The following SEMA6D variants were observed in gnomAD, a reference collection of about 807,000 sequenced individuals.
The protein encoded by SEMA6D is semaphorin-6D.
In SEMA6D, 35 loss-of-function variants were observed where a neutral mutation model predicts 106.6. That is an observed-to-expected ratio of 0.33 (90% CI 0.25 to 0.44). The LOEUF is 0.44. Among genes scored for constraint, SEMA6D ranks in the 20% least tolerant of loss-of-function variants. The pLI, the probability that SEMA6D is intolerant of heterozygous loss-of-function variation, is 1.00. For synonymous variants in SEMA6D, 499 were observed against 487.7 expected (o/e 1.02, Z -0.31); for missense variants, 1,185 against 1,345.9 (o/e 0.88, Z 1.87).
At chr15:47,729,796 G>C (rs1413693339) in intron 1 of SEMA6D, among the ~76,000 whole-genome samples, 2 of 152,232 alleles carry the variant, frequency 1.3e-5, no homozygotes, top group African/African-American at 4.8e-5. Context: ...CTGGTTTAAT[G>C]TAACTTTAAA....
chr15:47,665,788 C>A (rs545309775), intron 4 of SEMA6D, among the ~76,000 whole-genome samples: 1 of 152,126 alleles, frequency 6.6e-6, no homozygotes, highest in Admixed American at 6.5e-5. Flanking sequence ...CCAGCCTGGG[C>A]GACAGAGCAA....
chr15:47,319,716 T>C (rs150892400), intron 1 of SEMA6D, among the ~76,000 whole-genome samples: 5 of 152,206 alleles, frequency 3.3e-5, no homozygotes, highest in Middle Eastern at 3.4e-3. Context: ...AGTGCTCTGG[T>C]GTATTTCAAA....
intron 4 of SEMA6D, among the ~76,000 whole-genome samples, chr15:47,699,900 C>A (rs2078775101): frequency 6.6e-6 from 1 of 152,142 alleles, no homozygotes; most frequent in Admixed American, 6.5e-5. Flanking sequence ...TGAAAAAACA[C>A]CTCCTAGAAC....
chr15:47,755,182 C>T (rs1317629424), intron 1 of SEMA6D, among the ~76,000 whole-genome samples: 3 of 152,020 alleles, frequency 2.0e-5, no homozygotes, highest in Non-Finnish European at 4.4e-5. Context: ...AAACTCCTGA[C>T]CTCATGATCC....
intron 3 of SEMA6D, among the ~76,000 whole-genome samples, chr15:47,531,673 C>T (rs1373723324): frequency 6.6e-6 from 1 of 152,174 alleles, no homozygotes; most frequent in Non-Finnish European, 1.5e-5. Flanking sequence ...AGTCTCCCCC[C>T]AGACTCATCC....
At chr15:47,585,293 C>T (rs772211745) in intron 3 of SEMA6D, among the ~76,000 whole-genome samples, 1 of 152,152 alleles carries the variant, frequency 6.6e-6, no homozygotes, top group African/African-American at 2.4e-5. Context: ...TAAATTATAC[C>T]AGTTGATTAA....
At chr15:47,719,646 A>C (rs923433361) in intron 1 of SEMA6D, among the ~76,000 whole-genome samples, 16 of 152,208 alleles carry the variant, frequency 1.1e-4, no homozygotes, top group African/African-American at 3.9e-4. Context: ...TTAGAATAGG[A>C]AAAATACTTG....
At chr15:47,716,253 T>C (rs1380093530), upstream of SEMA6D, among the ~76,000 whole-genome samples, 1 of 152,174 alleles carries the variant, frequency 6.6e-6, no homozygotes, top group Non-Finnish European at 1.5e-5. Context: ...GGTTACACAG[T>C]GTTAACTAGG....
intron 3 of SEMA6D, among the ~76,000 whole-genome samples, chr15:47,580,074 C>A (rs1393201559): frequency 3.3e-5 from 5 of 152,138 alleles, no homozygotes; most frequent in African/African-American, 9.7e-5. Context: ...TATGACATAA[C>A]CCACCTGTCT....
In SEMA6D at chr15:47,764,075, C is replaced by G; in HGVS notation, c.965+8C>G. ...TACCACGCAGCTCAATAGGTGAGAG[C>G]AGAACCCCGGCACTGCAAAGATATT... On this transcript the variant is annotated splice_region_variant and intron_variant, in intron 10 of 18. Coordinates refer to ENST00000536845, the MANE Select transcript of SEMA6D (RefSeq NM_001358351.3). 6.2e-7 allele frequency: 1 copy of G among 1,613,752 alleles called. No homozygotes were observed. Among genetic ancestry groups the G allele is most frequent in the Non-Finnish European group, 8.5e-7 (1 of 1,179,752 alleles).
chr15:47,335,450 A>T (rs2037514461), intron 1 of SEMA6D, among the ~76,000 whole-genome samples: 1 of 151,932 alleles, frequency 6.6e-6, no homozygotes, highest in African/African-American at 2.4e-5. Context: ...GGACTGCCCA[A>T]CTCTCCCTAT....
chr15:47,372,038 A>G (rs2145420643), intron 1 of SEMA6D, among the ~76,000 whole-genome samples: 1 of 152,330 alleles, frequency 6.6e-6, no homozygotes, highest in Non-Finnish European at 1.5e-5. Context: ...GGCACTGCCA[A>G]CCACTACAAT....
intron 3 of SEMA6D, among the ~76,000 whole-genome samples, chr15:47,537,385 G>C (rs2045203146): frequency 6.6e-6 from 1 of 152,174 alleles, no homozygotes. Flanking sequence ...CAAGGTAGAA[G>C]GTACAGGTTA....
intron 3 of SEMA6D, among the ~76,000 whole-genome samples, chr15:47,528,384 C>T (rs2044834921): frequency 6.6e-6 from 1 of 152,142 alleles, no homozygotes; most frequent in African/African-American, 2.4e-5. Context: ...ACCAAGAGTA[C>T]AGTCCTCAAA....
chr15:47,347,292 T>C (rs2038085558), intron 1 of SEMA6D, among the ~76,000 whole-genome samples: 1 of 152,230 alleles, frequency 6.6e-6, no homozygotes, highest in Non-Finnish European at 1.5e-5. Context: ...AATTAAAATC[T>C]AAATTAAAAT....
At chr15:47,566,826 C>G (rs1473930336) in intron 3 of SEMA6D, among the ~76,000 whole-genome samples, 4 of 152,194 alleles carry the variant, frequency 2.6e-5, no homozygotes, top group African/African-American at 9.7e-5. Context: ...GTGTTTAACA[C>G]AGGCTAGCTG....
chr15:47,252,492 C>G lies in SEMA6D; in HGVS notation c.-239+68074C>G, dbSNP rs141754446. Among the ~76,000 whole-genome samples, 280 of 152,230 alleles carry G rather than the reference C, an allele frequency of 1.8e-3. 3 individuals are homozygous for G. The highest frequency in any genetic ancestry group is 6.1e-3 in the African/African-American group (254 of 41,538). ...CCTACTATGTAATAAAACATTAGAA[C>G]TTACTCTTCCTATCTAACTGTTACT... On this transcript the variant is annotated intron_variant, in intron 1 of 19. Coordinates refer to the SEMA6D transcript ENST00000558014.
intron 1 of SEMA6D, among the ~76,000 whole-genome samples, chr15:47,744,417 A>G (rs2080999870): frequency 6.6e-6 from 1 of 152,168 alleles, no homozygotes; most frequent in African/African-American, 2.4e-5. Flanking sequence ...TCCTGAGTGT[A>G]TGTGAACTGA....
chr15:47,453,862 C>T (rs1487100421), intron 2 of SEMA6D, among the ~76,000 whole-genome samples: 2 of 151,882 alleles, frequency 1.3e-5, no homozygotes, highest in African/African-American at 2.4e-5. Context: ...CCAAACACCT[C>T]GAAAAAGGAG....
Sources: allele counts gnomAD v4.1 joint callset (sites outside exome capture counted in the v4.1 genomes callset), GRCh38; gene constraint gnomAD v4.1.1; transcripts MANE v1.5; gene names NCBI Gene and HGNC (gene_info 2026-07-23, HGNC 2026-07-21).